Variants in TNIP3 observed in about 807,000 individuals in gnomAD.
The protein encoded by TNIP3 is TNFAIP3 interacting protein 3.
Under a neutral mutation model 54.1 loss-of-function variants are expected in TNIP3, and 34 were observed. The ratio of observed to expected loss-of-function variants is 0.63; its 90% CI spans 0.48 to 0.84. TNIP3 has a LOEUF of 0.84. Among genes scored for constraint, TNIP3 ranks in the 40% least tolerant of loss-of-function variants. The pLI, the probability that TNIP3 is intolerant of heterozygous loss-of-function variation, is 0.00. For synonymous variants in TNIP3, 134 were observed against 136.8 expected (o/e 0.98, Z 0.14); for missense variants, 366 against 387.6 (o/e 0.94, Z 0.47).
intron 7 of TNIP3, among the ~76,000 whole-genome samples, 177 bp downstream of exon 7, chr4:121,146,871 AG>A (rs1729461906): frequency 2.0e-5 from 3 of 152,338 alleles, no homozygotes; most frequent in South Asian, 4.1e-4. Context: ...TTAAGTTAAA[AG>A]AAATTTCCAG....
upstream of TNIP3, among the ~76,000 whole-genome samples, chr4:121,168,222 T>A (rs1730871258): frequency 6.6e-6 from 1 of 152,168 alleles, no homozygotes; most frequent in African/African-American, 2.4e-5. Flanking sequence ...TTTCTTTTTT[T>A]TTGAGACAGA....
chr4:121,227,300 G>T lies in TNIP3; in HGVS notation c.3+85C>A, dbSNP rs554736867. ...TGTCTTTTTAATATGAGAACTTTAT[G>T]CATTTTAAAAAAGAAATTAAGTTAC... On this transcript the variant is annotated intron_variant, in intron 1 of 12. Coordinates refer to the TNIP3 transcript ENST00000509841. 14 of 1,194,390 alleles carry T rather than the reference G, an allele frequency of 1.2e-5. No homozygotes were observed. In the African/African-American group the frequency reaches 1.7e-4, roughly 14 times the overall value. The allele number at this position is 1,194,390 out of a possible 1,614,324, so 74.0% of individuals were successfully genotyped here.
At chr4:121,221,608 TAC>T (rs1374058177), upstream of TNIP3, among the ~76,000 whole-genome samples, 1 of 152,192 alleles carries the variant, frequency 6.6e-6, no homozygotes, top group Non-Finnish European at 1.5e-5. Flanking sequence ...GACCTTTGAT[TAC>T]AGTGTGGAAG....
intron 2 of TNIP3, among the ~76,000 whole-genome samples, chr4:121,194,997 A>C (rs577548326): frequency 1.3e-5 from 2 of 152,148 alleles, no homozygotes; most frequent in Admixed American, 1.3e-4. Context: ...GCAAAACCCT[A>C]TCTCTACTAA....
chr4:121,196,968 G>A lies in TNIP3; in HGVS notation c.69-14172C>T, dbSNP rs540708578. 2.6e-5 allele frequency among the ~76,000 whole-genome samples: 4 copies of A among 151,782 alleles called. No homozygotes were observed. In the South Asian group the frequency reaches 8.3e-4, roughly 32 times the overall value. ...CTCCTTCTTTTACTCAAAGAACCAT[G>A]GGTAGAATAAGAATTCAGTTTAAAG... On this transcript the variant is annotated intron_variant, in intron 2 of 12. Coordinates refer to the TNIP3 transcript ENST00000507879.
At chr4:121,216,499 A>T (rs1368312449) in exon 2 of TNIP3, 1 of 1,535,778 alleles carries the variant, frequency 6.5e-7, no homozygotes, top group Middle Eastern at 1.7e-4. Context: ...TCCACATGGA[A>T]TCTAAAATAA....
At chr4:121,223,161 T>A (rs998633477) in intron 1 of TNIP3, among the ~76,000 whole-genome samples, 3 of 152,216 alleles carry the variant, frequency 2.0e-5, no homozygotes, top group African/African-American at 7.2e-5. Context: ...CGGATCGCTT[T>A]CATATCCATT....
intron 7 of TNIP3, 55 bp downstream of exon 7, chr4:121,146,994 A>T: frequency 6.5e-7 from 1 of 1,548,936 alleles, no homozygotes; most frequent in Admixed American, 2.2e-5. Context: ...GAATTTTTTT[A>T]AATGAAAAAA....
chr4:121,135,383 TC>T (rs774280047), intron 10 of TNIP3, among the ~76,000 whole-genome samples: 30 of 152,018 alleles, frequency 2.0e-4, no homozygotes, highest in Non-Finnish European at 4.3e-4. Flanking sequence ...TGAAGTTACT[TC>T]TTCTTCTTTT....
At chr4:121,186,726 C>T (rs1295295890) in intron 2 of TNIP3, among the ~76,000 whole-genome samples, 3 of 152,104 alleles carry the variant, frequency 2.0e-5, no homozygotes, top group Non-Finnish European at 4.4e-5. Flanking sequence ...AGTTACCAAA[C>T]ATTCTAACAA....
intron 10 of TNIP3, among the ~76,000 whole-genome samples, chr4:121,133,125 T>C (rs1055985977): frequency 4.6e-5 from 7 of 152,142 alleles, no homozygotes; most frequent in Admixed American, 6.5e-5. Context: ...TGAAGACCAA[T>C]ATGAAAAATC....
chr4:121,164,067 T>G lies in TNIP3; in HGVS notation c.59A>C (p.His20Pro), dbSNP rs751631531. The G allele has an allele frequency of 6.2e-7, 1 of 1,613,734 alleles. No homozygotes were observed. The highest frequency in any genetic ancestry group is 1.7e-5 in the Admixed American group (1 of 60,000). ...CTAGAAATATGTTCTTACCTCTTTA[T>G]GCTCCGTAGAACTTTCTGCGGCAAT... Reference protein sequence around the residue: ...RMIAAESSTEHKECAEPSTRK... With the variant: ...RMIAAESSTEPKECAEPSTRK... The change falls in exon 1 of 11, where the codon CAT (histidine) becomes CCT (proline). Residue 20 changes from histidine to proline, a missense_variant. Coordinates refer to ENST00000057513, the MANE Select transcript of TNIP3 (RefSeq NM_024873.6).
At chr4:121,172,199 A>G (rs1449483215) in intron 3 of TNIP3, among the ~76,000 whole-genome samples, 4 of 152,210 alleles carry the variant, frequency 2.6e-5, no homozygotes, top group African/African-American at 9.6e-5. Flanking sequence ...TGTGACATGC[A>G]TGGCCTTATG....
At position 121,147,139 on chromosome 4, in the gene TNIP3, T is replaced by C; in HGVS notation, c.645A>G (p.Arg215=). The change falls in exon 7 of 11, where the codon CGA becomes CGG. Residue 215 remains arginine, a synonymous_variant. Transcript: ENST00000057513. ...CTTGATTAAGTCTCTCTCGATCCGATCGTTCCTTTTTGAAGTCTTCTTCGT... is the reference window on the plus strand; with the variant it reads ...CTTGATTAAGTCTCTCTCGATCCGACCGTTCCTTTTTGAAGTCTTCTTCGT... ...QIYEEDFKKE[R]SDRERLNQEK... 1 of 1,612,730 alleles carries C rather than the reference T, an allele frequency of 6.2e-7. No homozygotes were observed. The highest frequency in any genetic ancestry group is 8.5e-7 in the Non-Finnish European group (1 of 1,179,448).
At chr4:121,183,679 G>A (rs1007442476) in intron 2 of TNIP3, among the ~76,000 whole-genome samples, 2 of 152,108 alleles carry the variant, frequency 1.3e-5, no homozygotes, top group African/African-American at 4.8e-5. Flanking sequence ...TCTCATAGGA[G>A]CGCAAATCCT....
At chr4:121,154,152 T>G (rs1729934994) in intron 5 of TNIP3, 1 of 238,636 alleles carries the variant, frequency 4.2e-6, no homozygotes, top group Non-Finnish European at 8.1e-6. Context: ...TTCCTTAGAG[T>G]GTGTTTCACA....
chr4:121,156,474 G>C (rs1730094429), intron 4 of TNIP3, among the ~76,000 whole-genome samples: 1 of 152,172 alleles, frequency 6.6e-6, no homozygotes, highest in South Asian at 2.1e-4. Flanking sequence ...TGGAGGTTGG[G>C]TTCAAGTCCT....
intron 5 of TNIP3, among the ~76,000 whole-genome samples, chr4:121,151,932 T>C (rs1354354957): frequency 2.0e-5 from 3 of 152,206 alleles, no homozygotes; most frequent in African/African-American, 7.2e-5. Flanking sequence ...CAAATCAATT[T>C]TGCCCACGGG....
At chr4:121,222,938 T>G (rs1727099413) in intron 1 of TNIP3, among the ~76,000 whole-genome samples, 1 of 151,856 alleles carries the variant, frequency 6.6e-6, no homozygotes, top group Non-Finnish European at 1.5e-5. Context: ...CCCGAGTAGC[T>G]GGGACTACAG....
Sources: gnomAD v4.1 joint callset for allele counts (sites outside exome capture counted in the v4.1 genomes callset) on GRCh38, gnomAD v4.1.1 for gene constraint, MANE v1.5 for transcripts, NCBI Gene and HGNC (gene_info 2026-07-23, HGNC 2026-07-21) for gene names.